TRPC4AP: variants seen among roughly 807,000 people sequenced by gnomAD.
The protein encoded by TRPC4AP is transient receptor potential cation channel subfamily C member 4 associated protein, also known as short transient receptor potential channel 4-associated protein.
Under a neutral mutation model 99.0 loss-of-function variants are expected in TRPC4AP, and 45 were observed. The ratio of observed to expected loss-of-function variants is 0.45; its 90% confidence interval spans 0.36 to 0.58. The LOEUF is 0.58. TRPC4AP is among the 20% of genes least tolerant of loss of function. The pLI is 0.00. For synonymous variants in TRPC4AP, 408 were observed against 385.8 expected, an observed-to-expected ratio of 1.06 and a Z score of -0.67; for missense variants, 879 against 985.3, an observed-to-expected ratio of 0.89 and a Z score of 1.44.
chr20:35,003,726 AC>A, intron 17 of TRPC4AP, 110 bp from the exon 18 acceptor site: 1 of 1,195,998 alleles, frequency 8.4e-7, no homozygotes, highest in Non-Finnish European at 1.2e-6. Flanking sequence ...GCCTCGGGCC[AC>A]CCACAGAGCT....
chr20:35,017,657 G>C (rs887567510), intron 9 of TRPC4AP, among the ~76,000 whole-genome samples: 1 of 152,204 alleles, frequency 6.6e-6, no homozygotes. Context: ...CAGGTGTTCA[G>C]ATCTTAAGTC....
chr20:35,064,644 A>T (rs2084094911), intron 3 of TRPC4AP, among the ~76,000 whole-genome samples: 1 of 152,264 alleles, frequency 6.6e-6, no homozygotes, highest in Admixed American at 6.5e-5. Context: ...AGGAGGGAAA[A>T]GAAAGAAGTC....
chr20:35,037,651 C>G (rs1414961029), intron 7 of TRPC4AP, among the ~76,000 whole-genome samples: 2 of 152,128 alleles, frequency 1.3e-5, no homozygotes, highest in African/African-American at 4.8e-5. Flanking sequence ...TGAAAGAAAC[C>G]AGATTCAGAA....
intron 5 of TRPC4AP, 23 bp downstream of exon 5, chr20:35,054,953 G>A (rs1422931532): frequency 1.2e-6 from 2 of 1,602,994 alleles, no homozygotes. Flanking sequence ...GATAAACAGA[G>A]CCCCAGTGGC....
At chr20:35,084,492 A>C (rs2084748507) in intron 1 of TRPC4AP, among the ~76,000 whole-genome samples, 2 of 143,518 alleles carry the variant, frequency 1.4e-5, no homozygotes, top group Admixed American at 1.4e-4. Context: ...ATATATGTAT[A>C]TATCTATATA....
chr20:35,044,528 G>A lies in TRPC4AP; in HGVS notation c.842C>T (p.Pro281Leu). Residue 281 changes from proline to leucine, a missense_variant, in exon 7 of 19, where the codon CCT becomes CTT. Transcript: ENST00000252015. The part of the protein sequence containing the change: ...AQQKKSLSLG[P>L]SAAEINQAAL... ...ACCTTGATTGATTTCAGCTGCAGAA[G>A]GCCCCAAACTCAAGCTCTTCTTCTG... The A allele has an allele frequency of 1.2e-6, 2 of 1,614,030 alleles. No homozygotes were observed. Among genetic ancestry groups the A allele is most frequent in the Non-Finnish European group, 1.7e-6 (2 of 1,179,962 alleles).
intron 6 of TRPC4AP, among the ~76,000 whole-genome samples, chr20:35,047,030 G>C (rs1056626223): frequency 3.3e-5 from 5 of 151,964 alleles, no homozygotes; most frequent in Non-Finnish European, 7.4e-5. Context: ...CACCATGCTG[G>C]GCTAATTTTT....
In TRPC4AP at chr20:35,062,216, C is replaced by T. The variant is rs188271997; in HGVS notation, c.415-4645G>A. On this transcript the variant is annotated intron_variant, in intron 3 of 18. Coordinates refer to ENST00000252015, the MANE Select transcript of TRPC4AP (RefSeq NM_015638.3). Reference sequence around the variant, plus strand: ...CTGCTGGTAGATATGTAAAATGGTGCAGCTGCTTCAGAAAGCAGTCTGGCA... The same window carrying T: ...CTGCTGGTAGATATGTAAAATGGTGTAGCTGCTTCAGAAAGCAGTCTGGCA... Among the ~76,000 whole-genome samples, 221 of 152,286 alleles carry T rather than the reference C, an allele frequency of 1.5e-3. 2 individuals are homozygous for T. The highest frequency in any genetic ancestry group is 4.5e-3 in the African/African-American group (185 of 41,568).
In TRPC4AP at chr20:35,002,410, TTAAAA is replaced by T; in HGVS notation, c.*731_*735del. 2.3e-6 allele frequency: 1 copy of T among 428,710 alleles called. No individual in the cohort carries two copies. The highest frequency in any genetic ancestry group is 4.0e-6 in the Non-Finnish European group (1 of 247,378). 26.6% of individuals were successfully genotyped at this position (428,710 alleles called of 1,614,324 possible). ...AAAGCCAGGTCCACAGCAGTCATTT[TTAAAA>T]TAAAGTTATTTAATAGTCTCCATTT... On this transcript the variant is annotated 3_prime_UTR_variant, in exon 19 of 19. Coordinates refer to ENST00000252015, the MANE Select transcript of TRPC4AP (RefSeq NM_015638.3).
In TRPC4AP at chr20:35,003,260, G is replaced by C. The variant is rs1388918829; in HGVS notation, c.2280C>G (p.Tyr760Ter). ...LENSSCISFS[Y>*]WKETVSILLN... ...ACAGGATGGACACTGTCTCCTTCCA[G>C]TATGAGAAGCTGATGCAGGAGCTCT... is the stretch of plus-strand genomic sequence containing the variant. Residue 760 changes from tyrosine to a stop codon, truncating the protein, a stop_gained, in exon 19 of 19, where the codon TAC (tyrosine) becomes TAG (stop). Coordinates refer to ENST00000252015, the MANE Select transcript of TRPC4AP (RefSeq NM_015638.3). LOFTEE classifies it high-confidence loss of function. 6.2e-7 allele frequency: 1 copy of C among 1,614,180 alleles called. No individual in the cohort carries two copies. Among genetic ancestry groups the C allele is most frequent in the East Asian group, 2.2e-5 (1 of 44,880 alleles).
intron 10 of TRPC4AP, among the ~76,000 whole-genome samples, chr20:35,013,662 C>T (rs1010928360): frequency 1.3e-5 from 2 of 152,000 alleles, no homozygotes; most frequent in Admixed American, 6.6e-5. Context: ...AAGAAAGGAC[C>T]GAGGAGTTTG....
At chr20:35,056,313 C>G (rs985596936) in intron 4 of TRPC4AP, among the ~76,000 whole-genome samples, 16 of 152,160 alleles carry the variant, frequency 1.1e-4, no homozygotes, top group Admixed American at 3.9e-4. Context: ...AGCATCTACT[C>G]TAGAGCAGAT....
intron 17 of TRPC4AP, 129 bp downstream of exon 17, chr20:35,004,329 A>C (rs1347684320): frequency 5.3e-6 from 4 of 758,086 alleles, no homozygotes; most frequent in Non-Finnish European, 9.0e-6. Context: ...TCCTGAGCAC[A>C]GTCCTCAGAA....
intron 16 of TRPC4AP, among the ~76,000 whole-genome samples, chr20:35,005,382 C>T (rs142957063): frequency 6.6e-6 from 1 of 152,342 alleles, no homozygotes; most frequent in Non-Finnish European, 1.5e-5. Flanking sequence ...CACCACAGGG[C>T]ACCTGCGATG....
chr20:35,075,560 T>C (rs971527204), intron 2 of TRPC4AP, among the ~76,000 whole-genome samples: 14 of 152,224 alleles, frequency 9.2e-5, no homozygotes, highest in African/African-American at 3.4e-4. Flanking sequence ...GAAAATTCTT[T>C]TCTTTAAGAA....
intron 1 of TRPC4AP, among the ~76,000 whole-genome samples, chr20:35,086,186 T>A (rs2084840398): frequency 6.6e-6 from 1 of 152,024 alleles, no homozygotes; most frequent in Non-Finnish European, 1.5e-5. Context: ...CTTGAACTCC[T>A]GAGCTTAAAG....
intron 11 of TRPC4AP, among the ~76,000 whole-genome samples, chr20:35,012,338 G>A (rs1052820077): frequency 6.6e-6 from 1 of 152,156 alleles, no homozygotes; most frequent in Non-Finnish European, 1.5e-5. Flanking sequence ...CCTTTGCTTG[G>A]CAGAAAAAAT....
intron 9 of TRPC4AP, among the ~76,000 whole-genome samples, chr20:35,016,757 G>A (rs895383091): frequency 6.6e-6 from 1 of 152,188 alleles, no homozygotes; most frequent in African/African-American, 2.4e-5. Flanking sequence ...CAAAACTCAA[G>A]CAAAGTCACA....
At chr20:35,080,534 T>TAAA (rs71196786) in intron 1 of TRPC4AP, among the ~76,000 whole-genome samples, 2 of 82,012 alleles carry the variant, frequency 2.4e-5, no homozygotes, top group African/African-American at 5.1e-5. Flanking sequence ...AGACTCCATC[T>TAAA]AAAAAAAAAA....
Sources: allele counts gnomAD v4.1 joint callset (sites outside exome capture counted in the v4.1 genomes callset), GRCh38; gene constraint gnomAD v4.1.1; transcripts MANE v1.5; gene names NCBI Gene and HGNC (gene_info 2026-07-23, HGNC 2026-07-21).